The following PEX11A variants were observed in gnomAD, a reference collection of about 807,000 sequenced individuals.
The protein encoded by PEX11A is peroxisomal membrane protein 11A.
Under a neutral mutation model 14.4 loss-of-function variants are expected in PEX11A, and 13 were observed. The ratio of observed to expected loss-of-function variants is 0.90; its 90% CI spans 0.59 to 1.43. The LOEUF (loss-of-function observed/expected upper bound fraction) is 1.43, where lower values mean the gene tolerates loss of function less well. Ranked by LOEUF, PEX11A falls within the 40% of genes most tolerant of loss-of-function variation. PEX11A has a pLI of 0.00. For missense variants in PEX11A, 290 were observed against 302.8 expected, an observed-to-expected ratio of 0.96 and a Z score of 0.31; for synonymous variants, 101 against 113.0, an observed-to-expected ratio of 0.89 and a Z score of 0.67.
intron 1 of PEX11A, among the ~76,000 whole-genome samples, chr15:89,689,370 C>T (rs1964751471): frequency 6.6e-6 from 1 of 152,174 alleles, no homozygotes; most frequent in Non-Finnish European, 1.5e-5. Context: ...GGAACAATAG[C>T]TGTCATAAAG....
At chr15:89,684,489 C>G (rs753066617) in intron 2 of PEX11A, among the ~76,000 whole-genome samples, 4 of 152,228 alleles carry the variant, frequency 2.6e-5, no homozygotes, top group African/African-American at 4.8e-5. Flanking sequence ...ATGCAATACT[C>G]TCTTGGAGAG....
At chr15:89,684,722 G>C (rs774142995) in intron 2 of PEX11A, among the ~76,000 whole-genome samples, 10 of 152,176 alleles carry the variant, frequency 6.6e-5, no homozygotes, top group Non-Finnish European at 1.5e-4. Flanking sequence ...CCTTATGTGA[G>C]CACGTAATTC....
Position 89,683,488 on chromosome 15 carries a change from C to A in PEX11A, c.633G>T (p.Gln211His). The change falls in exon 3 of 3, where the codon CAG (glutamine) becomes CAT (histidine). Residue 211 changes from glutamine to histidine, a missense_variant. Transcript: ENST00000300056. ...CAGGATTGGATTTATAGATCCCCAG[C>A]TGGTCCAAAGGGTTCAGGATATCAC... ...NLCDILNPLD[Q>H]LGIYKSNPGI... 1 of 1,614,104 alleles carries A rather than the reference C, an allele frequency of 6.2e-7. No individual in the cohort carries two copies. The highest frequency in any genetic ancestry group is 8.5e-7 in the Non-Finnish European group (1 of 1,179,938).
chr15:89,686,493 C>T lies in PEX11A; in HGVS notation c.110G>A (p.Gly37Asp), dbSNP rs368752211. The T allele has an allele frequency of 6.2e-7, 1 of 1,608,318 alleles. No individual in the cohort carries two copies. The highest frequency in any genetic ancestry group is 8.5e-7 in the Non-Finnish European group (1 of 1,174,834). The change falls in exon 2 of 3, where the codon GGC becomes GAC. Residue 37 changes from glycine (G) to aspartate (D), a missense_variant. Transcript: ENST00000300056. The part of the protein sequence containing the change: ...LLRYLLEPKA[G>D]KEKVVMKLKK... ...GAGCTTCATTACCACCTTCTCTTTGCCAGCTTTGGGCTCTAACAAATATCT... is the reference window on the plus strand; with the variant it reads ...GAGCTTCATTACCACCTTCTCTTTGTCAGCTTTGGGCTCTAACAAATATCT...
Position 89,690,663 on chromosome 15 carries a change from G to C in PEX11A, c.-31C>G. ...CTAGCCCAAAGGCCACGAGTCGCAC[G>C]GGGCTCAGGCGTGGGTCCTCTGGGG... On this transcript the variant is annotated 5_prime_UTR_variant, in exon 1 of 3. Coordinates refer to ENST00000300056, the MANE Select transcript of PEX11A (RefSeq NM_003847.3). 1 of 1,535,712 alleles carries C rather than the reference G, an allele frequency of 6.5e-7. No individual in the cohort carries two copies. The highest frequency in any genetic ancestry group is 8.8e-7 in the Non-Finnish European group (1 of 1,133,616).
chr15:89,690,422 G>A (rs911631293), intron 1 of PEX11A, among the ~76,000 whole-genome samples, 155 bp downstream of exon 1: 2 of 152,292 alleles, frequency 1.3e-5, no homozygotes, highest in African/African-American at 4.8e-5. Flanking sequence ...GGGTAAGGAG[G>A]GGCTCGGATA....
chr15:89,690,579 G>T lies in PEX11A; in HGVS notation c.54C>A (p.Phe18Leu). 6.4e-7 allele frequency: 1 copy of T among 1,551,132 alleles called. No individual in the cohort carries two copies. The highest frequency in any genetic ancestry group is 8.7e-7 in the Non-Finnish European group (1 of 1,146,682). Residue 18 changes from phenylalanine to leucine, a missense_variant and splice_region_variant, in exon 1 of 3, where the codon TTC becomes TTA. Phe to Leu is a conservative substitution (Grantham distance 22, BLOSUM62 0). Coordinates refer to ENST00000300056, the MANE Select transcript of PEX11A (RefSeq NM_003847.3). ...TNQTQGRDRL[F>L]RATQYTCMLL... ...GAGGCCGCTGGCACCTGACTCACCT[G>T]AAGAGTCGGTCCCGGCCCTGGGTCT...
At chr15:89,687,828 T>C (rs538549548) in intron 1 of PEX11A, 1 of 328,574 alleles carries the variant, frequency 3.0e-6, no homozygotes, top group Non-Finnish European at 5.8e-6. Flanking sequence ...TTTGGTCTAA[T>C]AATAAGGATC....
rs568482583 is a variant in PEX11A, at chr15:89,683,016, T to C, written c.*361A>G. ...AATGATCCATATGACCCTAAAGTTA[T>C]TGTATACTGGTGTTCAATGATCAGT... On this transcript the variant is annotated 3_prime_UTR_variant, in exon 3 of 3. Coordinates refer to ENST00000300056, the MANE Select transcript of PEX11A (RefSeq NM_003847.3). 6 of 192,444 alleles carry C rather than the reference T, an allele frequency of 3.1e-5. No individual in the cohort carries two copies. Among genetic ancestry groups the C allele is most frequent in the Non-Finnish European group, 6.4e-5 (6 of 93,774 alleles). 11.9% of individuals were successfully genotyped at this position (192,444 alleles called of 1,614,324 possible).
intron 2 of PEX11A, 25 bp downstream of exon 2, chr15:89,686,405 TG>T (rs774357619): frequency 2.0e-6 from 2 of 978,376 alleles, no homozygotes; most frequent in African/African-American, 3.2e-5. Flanking sequence ...CAGGAGTCAC[TG>T]TCCCTCAAGA....
chr15:89,683,439 C>G lies in PEX11A; in HGVS notation c.682G>C (p.Val228Leu). 1.2e-6 allele frequency: 2 copies of G among 1,614,120 alleles called. No individual in the cohort carries two copies. The highest frequency in any genetic ancestry group is 1.1e-5 in the South Asian group (1 of 91,084). Residue 228 changes from valine to leucine, a missense_variant, in exon 3 of 3, where the codon GTG becomes CTG. Coordinates refer to ENST00000300056, the MANE Select transcript of PEX11A (RefSeq NM_003847.3). ...NPGIIGLGGL[V>L]SSIAGMITVA... Reference sequence around the variant, plus strand: ...GTGATCATGCCTGCTATAGAGGACACAAGACCTCCAAGTCCAATGATGCCA... The same window carrying G: ...GTGATCATGCCTGCTATAGAGGACAGAAGACCTCCAAGTCCAATGATGCCA...
chr15:89,688,003 C>A, intron 1 of PEX11A: 1 of 544,568 alleles, frequency 1.8e-6, no homozygotes. Flanking sequence ...CTTTTAATAG[C>A]CAGGATTCTC....
rs762660976 is a variant in PEX11A at position 89,683,866 on chromosome 15, G to C, written c.255C>G (p.Cys85Trp). ...IHATDLVPRL[C>W]LTLANLNRVI... ...CACGGTTCAGGTTGGCTAATGTTAA[G>C]CATAAGCGAGGTACCAGGTCAGTGG... The change falls in exon 3 of 3, where the codon TGC becomes TGG. Residue 85 changes from cysteine to tryptophan, a missense_variant. Physicochemically the swap from Cys to Trp is radical, Grantham distance 215. Transcript: ENST00000300056. 8.7e-6 allele frequency: 14 copies of C among 1,613,686 alleles called. No individual in the cohort carries two copies. The highest frequency in any genetic ancestry group is 1.2e-5 in the Non-Finnish European group (14 of 1,179,694).
rs1056986173 is a variant in PEX11A at position 89,686,303 on chromosome 15, G to C, written c.172+128C>G. On this transcript the variant is annotated intron_variant, in intron 2 of 2. Coordinates refer to ENST00000300056, the MANE Select transcript of PEX11A (RefSeq NM_003847.3). Reference sequence around the variant, plus strand: ...GTTGTGCCATGAGGACAGCCTTACTGGTCAATTTCACCAATAAACTTGATT... The same window carrying C: ...GTTGTGCCATGAGGACAGCCTTACTCGTCAATTTCACCAATAAACTTGATT... The C allele has an allele frequency of 1.3e-5, 8 of 607,446 alleles. No individual in the cohort carries two copies. In the East Asian group the frequency reaches 2.3e-4, roughly 17 times the overall value. 37.6% of individuals were successfully genotyped at this position (607,446 alleles called of 1,614,324 possible).
chr15:89,686,531 T>C lies in PEX11A; in HGVS notation c.72A>G (p.Thr24=), dbSNP rs764128412. The C allele has an allele frequency of 3.9e-6, 6 of 1,548,604 alleles. No homozygotes were observed. In the Middle Eastern group the frequency reaches 6.7e-4, roughly 172 times the overall value. The change falls in exon 2 of 3, where the codon ACA becomes ACG. Residue 24 remains threonine, a synonymous_variant. Coordinates refer to ENST00000300056, the MANE Select transcript of PEX11A (RefSeq NM_003847.3). ...CTAACAAATATCTAAGCAACATGCATGTGTACTGAGTGGCTCTGAAATGGA... is the reference window on the plus strand; with the variant it reads ...CTAACAAATATCTAAGCAACATGCACGTGTACTGAGTGGCTCTGAAATGGA... ...RDRLFRATQY[T]CMLLRYLLEP...
At position 89,683,231 on chromosome 15, in the gene PEX11A, C is replaced by G. The variant is rs1964623091; in HGVS notation, c.*146G>C. ...CTCCTCCCTTCTCCGTTCTTGGCCT[C>G]ATCTCTGCCCACATCACAGGTTGTT... On this transcript the variant is annotated 3_prime_UTR_variant, in exon 3 of 3. Transcript: ENST00000300056. 3.0e-6 allele frequency: 2 copies of G among 665,230 alleles called. No individual in the cohort carries two copies. Among genetic ancestry groups the G allele is most frequent in the Admixed American group, 4.9e-5 (2 of 40,942 alleles). The allele number at this position is 665,230 out of a possible 1,614,324, so 41.2% of individuals were successfully genotyped here. A position where few individuals can be genotyped will look rare whatever the true frequency, so the allele number is the denominator to read the frequency against.
intron 1 of PEX11A, among the ~76,000 whole-genome samples, chr15:89,687,555 T>G (rs1964695692): frequency 6.6e-6 from 1 of 152,206 alleles, no homozygotes; most frequent in African/African-American, 2.4e-5. Context: ...CATCACATAG[T>G]CACACATCCA....
In PEX11A at chr15:89,682,963, G is replaced by C. The variant is rs1317403573; in HGVS notation, c.*414C>G. On this transcript the variant is annotated 3_prime_UTR_variant, in exon 3 of 3. Coordinates refer to ENST00000300056, the MANE Select transcript of PEX11A (RefSeq NM_003847.3). Reference sequence around the variant, plus strand: ...CCTCTACTAGATCTGAGAGTGCCATGCACCAGACCTACTGTAATCGTGAAA... The same window carrying C: ...CCTCTACTAGATCTGAGAGTGCCATCCACCAGACCTACTGTAATCGTGAAA... 4 of 168,162 alleles carry C rather than the reference G, an allele frequency of 2.4e-5. No homozygotes were observed. Among genetic ancestry groups the C allele is most frequent in the Non-Finnish European group, 5.1e-5 (4 of 78,146 alleles). 10.4% of individuals were successfully genotyped at this position (168,162 alleles called of 1,614,324 possible).
chr15:89,688,515 C>T (rs752448041), intron 1 of PEX11A, among the ~76,000 whole-genome samples: 2 of 151,872 alleles, frequency 1.3e-5, no homozygotes, highest in Non-Finnish European at 2.9e-5. Context: ...GCCTCAGCCT[C>T]CTGAGTAGCT....
Sources: allele counts gnomAD v4.1 joint callset (sites outside exome capture counted in the v4.1 genomes callset), GRCh38; gene constraint gnomAD v4.1.1; transcripts MANE v1.5; gene names NCBI Gene and HGNC (gene_info 2026-07-23, HGNC 2026-07-21).